DLG2: variants seen among roughly 807,000 people sequenced by gnomAD.
The protein encoded by DLG2 is disks large homolog 2.
In DLG2, 45 loss-of-function variants were observed where a neutral mutation model predicts 132.5. The observed-to-expected ratio is 0.34, with a 90% CI of 0.27 to 0.44. DLG2 has a LOEUF of 0.44. Ranked by LOEUF, DLG2 falls within the 20% of genes least tolerant of loss-of-function variation. The pLI, the probability that DLG2 is intolerant of heterozygous loss-of-function variation, is 1.00. For synonymous variants in DLG2, 424 were observed against 419.6 expected (o/e 1.01, Z -0.13); for missense variants, 1,045 against 1,196.9 (o/e 0.87, Z 1.87).
At chr11:83,888,290 T>A (rs1365075176) in intron 15 of DLG2, among the ~76,000 whole-genome samples, 1 of 152,164 alleles carries the variant, frequency 6.6e-6, no homozygotes, top group Non-Finnish European at 1.5e-5. Context: ...ATCACAAGCA[T>A]TCTTATACAC....
intron 6 of DLG2, among the ~76,000 whole-genome samples, chr11:84,683,050 G>A (rs1310942754): frequency 6.6e-6 from 1 of 152,098 alleles, no homozygotes; most frequent in Non-Finnish European, 1.5e-5. Context: ...GAGTATATTT[G>A]AGCAATGTTT....
At chr11:83,536,772 C>T (rs1364924316) in intron 20 of DLG2, among the ~76,000 whole-genome samples, 1 of 152,124 alleles carries the variant, frequency 6.6e-6, no homozygotes, top group Admixed American at 6.6e-5. Flanking sequence ...AAGGGGGCTA[C>T]TAGTTCTTTA....
At chr11:83,463,127 G>A (rs1051504587) in intron 26 of DLG2, among the ~76,000 whole-genome samples, 1 of 152,194 alleles carries the variant, frequency 6.6e-6, no homozygotes, top group African/African-American at 2.4e-5. Flanking sequence ...AAGAAGGGAT[G>A]TGCTTAAGGC....
At chr11:84,038,613 G>A (rs1191782787) in intron 11 of DLG2, among the ~76,000 whole-genome samples, 1 of 151,950 alleles carries the variant, frequency 6.6e-6, no homozygotes, top group Admixed American at 6.6e-5. Flanking sequence ...TTCCCTCTCT[G>A]GGGCAACTAC....
chr11:84,109,321 G>A (rs1457236620), intron 9 of DLG2, among the ~76,000 whole-genome samples: 1 of 152,122 alleles, frequency 6.6e-6, no homozygotes, highest in East Asian at 1.9e-4. Flanking sequence ...TTTTCTGAGT[G>A]ACAGACCTAG....
At chr11:84,741,768 A>T (rs950749684) in intron 6 of DLG2, among the ~76,000 whole-genome samples, 1 of 152,180 alleles carries the variant, frequency 6.6e-6, no homozygotes, top group African/African-American at 2.4e-5. Flanking sequence ...GTAAGGAAAC[A>T]TGGTATCTCT....
At chr11:85,417,517 T>A (rs1449594949) in intron 3 of DLG2, among the ~76,000 whole-genome samples, 1 of 152,198 alleles carries the variant, frequency 6.6e-6, no homozygotes, top group African/African-American at 2.4e-5. Flanking sequence ...TCAGAAGGAA[T>A]GACACCAGCT....
At chr11:83,853,203 G>A (rs938063778) in intron 16 of DLG2, among the ~76,000 whole-genome samples, 6 of 151,930 alleles carry the variant, frequency 3.9e-5, no homozygotes, top group African/African-American at 1.5e-4. Flanking sequence ...CCTCACCTTG[G>A]TCTTTCCATG....
chr11:85,240,834 T>C (rs991234046), intron 4 of DLG2, among the ~76,000 whole-genome samples: 11 of 151,842 alleles, frequency 7.2e-5, no homozygotes, highest in African/African-American at 2.7e-4. Context: ...TATAACTTTA[T>C]AATAATTCTT....
intron 6 of DLG2, 126 bp downstream of exon 6, chr11:85,111,535 C>T: frequency 3.0e-6 from 2 of 660,400 alleles, no homozygotes; most frequent in Non-Finnish European, 4.9e-6. Flanking sequence ...ATTATTCTTT[C>T]TCCTTGCAAA....
At chr11:84,436,905 T>C (rs975620360) in intron 7 of DLG2, among the ~76,000 whole-genome samples, 1 of 152,188 alleles carries the variant, frequency 6.6e-6, no homozygotes, top group Non-Finnish European at 1.5e-5. Context: ...TAGAGTCTGG[T>C]CAACGTTACT....
intron 4 of DLG2, among the ~76,000 whole-genome samples, chr11:85,181,319 T>G (rs1487329408): frequency 1.3e-5 from 2 of 151,754 alleles, no homozygotes; most frequent in Admixed American, 1.3e-4. Context: ...GCATTTATCC[T>G]TTGTGTTACA....
At chr11:83,829,732 CTTAT>C (rs144370797) in intron 17 of DLG2, among the ~76,000 whole-genome samples, 29 of 151,036 alleles carry the variant, frequency 1.9e-4, no homozygotes, top group Admixed American at 7.2e-4. Context: ...TAGCCATTTT[CTTAT>C]TTATTTATTT....
intron 17 of DLG2, among the ~76,000 whole-genome samples, chr11:83,792,187 A>G (rs1263982204): frequency 2.0e-5 from 3 of 152,148 alleles, no homozygotes; most frequent in Non-Finnish European, 4.4e-5. Flanking sequence ...TTCTGCTACT[A>G]TGAACACTTA....
At chr11:84,993,656 G>A (rs1209846541) in intron 6 of DLG2, among the ~76,000 whole-genome samples, 1 of 148,898 alleles carries the variant, frequency 6.7e-6, no homozygotes, top group Non-Finnish European at 1.5e-5. Flanking sequence ...TGTAAATGGT[G>A]TTTGCTTTAG....
chr11:85,138,130 T>C (rs1367356351), intron 5 of DLG2, among the ~76,000 whole-genome samples: 2 of 152,170 alleles, frequency 1.3e-5, no homozygotes, highest in African/African-American at 4.8e-5. Flanking sequence ...TTAATCATGA[T>C]ATTCAATTGT....
At chr11:85,045,300 T>C (rs2062232455) in intron 6 of DLG2, among the ~76,000 whole-genome samples, 1 of 152,066 alleles carries the variant, frequency 6.6e-6, no homozygotes, top group Non-Finnish European at 1.5e-5. Context: ...CAACCTAGGC[T>C]TAATGAGTAA....
In DLG2 at chr11:84,212,113, T is replaced by C. The variant is rs573277553; in HGVS notation, c.573+39125A>G. ...ACTTTCAAATGAAGTAATCTATCTG[T>C]AGAAAATGAGCAAATGGAATATTCA... On this transcript the variant is annotated intron_variant, in intron 8 of 27. Transcript: ENST00000376104. Among the ~76,000 whole-genome samples, 963 of 152,346 alleles carry C rather than the reference T, an allele frequency of 6.3e-3. 6 individuals carry two copies. The highest frequency in any genetic ancestry group is 0.01 in the Non-Finnish European group (690 of 68,032).
intron 19 of DLG2, among the ~76,000 whole-genome samples, chr11:83,561,883 C>CTTTTT (rs66514406): frequency 0.013 from 1,179 of 87,904 alleles, 4 homozygotes; most frequent in Middle Eastern, 0.024. Context: ...GTATTTCTTT[C>CTTTTT]TTTTTTTTTT....
Sources: gnomAD v4.1 joint callset for allele counts (sites outside exome capture counted in the v4.1 genomes callset) on GRCh38, gnomAD v4.1.1 for gene constraint, MANE v1.5 for transcripts, NCBI Gene and HGNC (gene_info 2026-07-23, HGNC 2026-07-21) for gene names.